The following TMEM50B variants were observed in gnomAD, a reference collection of about 807,000 sequenced individuals.
TMEM50B encodes transmembrane protein 50B.
TMEM50B carries 14 observed loss-of-function variants against 23.4 expected under a neutral mutation model. The ratio of observed to expected loss-of-function variants is 0.60; its 90% CI spans 0.39 to 0.93. TMEM50B has a LOEUF of 0.93. TMEM50B is among the 40% of genes least tolerant of loss of function. The pLI is 0.00. For missense variants in TMEM50B, 159 were observed against 193.0 expected, an observed-to-expected ratio of 0.82 and a Z score of 1.04; for synonymous variants, 64 against 62.3, an observed-to-expected ratio of 1.03 and a Z score of -0.13.
At chr21:33,453,076 T>C (rs537065000) in intron 6 of TMEM50B, among the ~76,000 whole-genome samples, 30 of 152,260 alleles carry the variant, frequency 2.0e-4, no homozygotes, top group Non-Finnish European at 3.2e-4. Flanking sequence ...AAAGTGACAA[T>C]AGAGAGATTA....
downstream of TMEM50B, chr21:33,448,946 G>GA (rs996259591): frequency 6.7e-5 from 10 of 150,314 alleles, no homozygotes; most frequent in South Asian, 8.5e-4. Flanking sequence ...GTCAGAAATA[G>GA]AAAAAAACAG....
exon 9 of TMEM50B, chr21:33,432,653 A>G: frequency 6.4e-7 from 1 of 1,564,338 alleles, no homozygotes; most frequent in Non-Finnish European, 8.8e-7. Context: ...ATGGAACATT[A>G]ACTGATGTTT....
chr21:33,463,862 G>T (rs1441580083), intron 4 of TMEM50B, among the ~76,000 whole-genome samples: 1 of 152,166 alleles, frequency 6.6e-6, no homozygotes, highest in Admixed American at 6.5e-5. Flanking sequence ...AGGCTGCAGT[G>T]AGCCAAGATC....
chr21:33,444,104 T>C (rs1476461544), intron 7 of TMEM50B, among the ~76,000 whole-genome samples: 1 of 152,214 alleles, frequency 6.6e-6, no homozygotes, highest in African/African-American at 2.4e-5. Context: ...TTTCACCATG[T>C]TGGCCAAGCT....
At chr21:33,448,065 T>C (rs1203942853), downstream of TMEM50B, among the ~76,000 whole-genome samples, 1 of 152,224 alleles carries the variant, frequency 6.6e-6, no homozygotes, top group East Asian at 1.9e-4. Context: ...CGATCTTGGC[T>C]CACTGCAACC....
intron 7 of TMEM50B, among the ~76,000 whole-genome samples, chr21:33,442,142 T>C (rs1481545759): frequency 2.0e-5 from 3 of 152,096 alleles, no homozygotes; most frequent in South Asian, 2.1e-4. Flanking sequence ...ATAGTCTCTA[T>C]TTGAGATGAG....
intron 3 of TMEM50B, among the ~76,000 whole-genome samples, chr21:33,466,202 A>C (rs2123445904): frequency 6.6e-6 from 1 of 152,342 alleles, no homozygotes; most frequent in South Asian, 2.1e-4. Flanking sequence ...CAGAGGTTGC[A>C]GTGAGCCAAG....
chr21:33,434,280 G>C lies in TMEM50B; in HGVS notation c.*2121-1478C>G, dbSNP rs573302555. On this transcript the variant is annotated intron_variant and NMD_transcript_variant, in intron 8 of 8. Coordinates refer to the TMEM50B transcript ENST00000420455. ...CCCACACCTGTAATCCCAGGACTTG[G>C]GGAGGCCAGGGTGGGCAGATCACCT... is the stretch of plus-strand genomic sequence containing the variant. 4.4e-4 allele frequency among the ~76,000 whole-genome samples: 67 copies of C among 152,260 alleles called. No individual in the cohort carries two copies. The Middle Eastern group carries it at 0.014, about 31-fold the overall frequency.
intron 1 of TMEM50B, among the ~76,000 whole-genome samples, chr21:33,470,610 G>A (rs796517961): frequency 8.0e-4 from 120 of 150,048 alleles, no homozygotes; most frequent in African/African-American, 2.5e-3. Flanking sequence ...GATGGCAGGC[G>A]CCTGTAGTCC....
chr21:33,464,817 A>AAAAAAAAAAAAAAAAAC, intron 4 of TMEM50B, among the ~76,000 whole-genome samples: 1 of 151,054 alleles, frequency 6.6e-6, no homozygotes, highest in Non-Finnish European at 1.5e-5. Context: ...AAAAAAAAAA[A>AAAAAAAAAAAAAAAAAC]AAAAAAACAA....
At chr21:33,448,503 T>C (rs1601110773), downstream of TMEM50B, among the ~76,000 whole-genome samples, 1 of 151,444 alleles carries the variant, frequency 6.6e-6, no homozygotes, top group African/African-American at 2.4e-5. Context: ...TTTAATGACA[T>C]GGAGTCTTGC....
At chr21:33,434,113 G>A (rs2083919165) in intron 8 of TMEM50B, among the ~76,000 whole-genome samples, 2 of 152,220 alleles carry the variant, frequency 1.3e-5, no homozygotes, top group Non-Finnish European at 2.9e-5. Context: ...CTTGTGGAAA[G>A]TCTTATTTTC....
intron 6 of TMEM50B, among the ~76,000 whole-genome samples, chr21:33,455,011 G>A (rs1216042788): frequency 2.0e-5 from 3 of 152,106 alleles, no homozygotes; most frequent in East Asian, 3.9e-4. Flanking sequence ...CACCTACTCG[G>A]GAGGCTGAGG....
downstream of TMEM50B, among the ~76,000 whole-genome samples, chr21:33,444,728 G>A (rs375912981): frequency 2.1e-5 from 3 of 141,410 alleles, no homozygotes; most frequent in Non-Finnish European, 4.5e-5. Flanking sequence ...GTTCCAGGTC[G>A]AAGTGTGCAA....
At chr21:33,479,605 C>T (rs1012527699) in intron 1 of TMEM50B, among the ~76,000 whole-genome samples, 1 of 152,300 alleles carries the variant, frequency 6.6e-6, no homozygotes, top group East Asian at 1.9e-4. Context: ...GGCGGCGCCA[C>T]GGTCACGGTC....
chr21:33,456,741 C>A (rs2084171870), intron 5 of TMEM50B, among the ~76,000 whole-genome samples: 1 of 152,090 alleles, frequency 6.6e-6, no homozygotes, highest in South Asian at 2.1e-4. Flanking sequence ...CATTTCCTCA[C>A]CTGTAAAACG....
intron 4 of TMEM50B, 61 bp downstream of exon 4, chr21:33,465,278 GCTT>G (rs1223284773): frequency 2.5e-6 from 3 of 1,216,998 alleles, no homozygotes; most frequent in Non-Finnish European, 3.6e-6. Flanking sequence ...CACAAGAGAG[GCTT>G]TTTTTCTGGT....
chr21:33,460,592 C>T (rs1162676255), intron 4 of TMEM50B, 87 bp from the exon 5 acceptor site: 7 of 683,698 alleles, frequency 1.0e-5, no homozygotes, highest in Non-Finnish European at 1.8e-5. Context: ...GCCCTGTTAG[C>T]CTAGTATATA....
chr21:33,452,390 C>T (rs978815980), intron 6 of TMEM50B, among the ~76,000 whole-genome samples: 2 of 152,188 alleles, frequency 1.3e-5, no homozygotes, highest in Non-Finnish European at 2.9e-5. Flanking sequence ...GGTGCTCCTT[C>T]AGTCTGTGGC....
Sources: gnomAD v4.1 joint callset for allele counts (sites outside exome capture counted in the v4.1 genomes callset) on GRCh38, gnomAD v4.1.1 for gene constraint, MANE v1.5 for transcripts, NCBI Gene and HGNC (gene_info 2026-07-23, HGNC 2026-07-21) for gene names.